MAP2: variants seen among roughly 807,000 people sequenced by gnomAD.
The protein encoded by MAP2 is microtubule associated protein 2.
In MAP2, 14 loss-of-function variants were observed where a neutral mutation model predicts 137.6. That is an observed-to-expected ratio of 0.10 (90% CI 0.07 to 0.16). MAP2 has a LOEUF of 0.16. Among genes scored for constraint, MAP2 ranks in the 10% least tolerant of loss-of-function variants. The pLI is 1.00. For missense variants in MAP2, 2,088 were observed against 2,191.5 expected (o/e 0.95, Z 0.94); for synonymous variants, 786 against 782.3 (o/e 1.00, Z -0.08).
At chr2:209,477,325 T>A (rs1707505158) in intron 1 of MAP2, among the ~76,000 whole-genome samples, 1 of 152,054 alleles carries the variant, frequency 6.6e-6, no homozygotes, top group Non-Finnish European at 1.5e-5. Context: ...AAAGAAAATG[T>A]TATATTGAAA....
At position 209,613,361 on chromosome 2, in the gene MAP2, T is replaced by C. The variant is rs367669853; in HGVS notation, c.-106-11692T>C. Among the ~76,000 whole-genome samples, 7 of 152,204 alleles carry C rather than the reference T, an allele frequency of 4.6e-5. No homozygotes were observed. The South Asian group carries it at 8.3e-4, about 18-fold the overall frequency. Reference sequence around the variant, plus strand: ...TTGGAATTAACATTAGGAAATAGAATGAATGTGAAATGGCAAAAATAAAAT... The same window carrying C: ...TTGGAATTAACATTAGGAAATAGAACGAATGTGAAATGGCAAAAATAAAAT... On this transcript the variant is annotated intron_variant, in intron 3 of 15. Coordinates refer to ENST00000682079, the MANE Select transcript of MAP2 (RefSeq NM_001375505.1).
chr2:209,462,765 A>G (rs1703139819), intron 1 of MAP2, among the ~76,000 whole-genome samples: 1 of 152,208 alleles, frequency 6.6e-6, no homozygotes, highest in African/African-American at 2.4e-5. Flanking sequence ...TTGGTTTAGT[A>G]TTTGGTTAGA....
rs1179166550 is a variant in MAP2, at chr2:209,540,663, GAAGAA to G, written c.-172+33035_-172+33039del. On this transcript the variant is annotated intron_variant, in intron 2 of 15. Transcript: ENST00000682079. Reference sequence around the variant, plus strand: ...AAAAAAAAAAAAAAAAAAAAAAAAAGAAGAAAAGAAAAGAAAATCACAGCACTTTA... The same window carrying G: ...AAAAAAAAAAAAAAAAAAAAAAAAAGAAGAAAAGAAAATCACAGCACTTTA... Among the ~76,000 whole-genome samples, 6 of 72,320 alleles carry G rather than the reference GAAGAA, an allele frequency of 8.3e-5. No homozygotes were observed. The South Asian group carries it at 1.6e-3, about 19-fold the overall frequency. The allele number at this position is 72,320 out of a possible 152,430, so 47.4% of individuals were successfully genotyped here.
intron 1 of MAP2, among the ~76,000 whole-genome samples, chr2:209,451,526 A>C (rs987051227): frequency 1.3e-5 from 2 of 152,098 alleles, no homozygotes; most frequent in Non-Finnish European, 2.9e-5. Context: ...CCTTGCTCCC[A>C]TGGCTCTGAG....
At chr2:209,710,287 G>T in intron 13 of MAP2, 33 bp downstream of exon 13, 1 of 1,496,730 alleles carries the variant, frequency 6.7e-7, no homozygotes. Context: ...TTTGCTGCCA[G>T]AAATAATTAT....
chr2:209,507,882 C>G (rs1286077267), intron 2 of MAP2, among the ~76,000 whole-genome samples: 1 of 151,754 alleles, frequency 6.6e-6, no homozygotes, highest in Admixed American at 6.6e-5. Context: ...TTACTACTAC[C>G]TGAGTTTCGA....
At chr2:209,465,773 T>A (rs1348935359) in intron 1 of MAP2, among the ~76,000 whole-genome samples, 1 of 152,182 alleles carries the variant, frequency 6.6e-6, no homozygotes, top group Non-Finnish European at 1.5e-5. Flanking sequence ...AAAACACATG[T>A]TGGTTCTTGA....
intron 10 of MAP2, among the ~76,000 whole-genome samples, chr2:209,699,951 A>G (rs1313973046): frequency 1.3e-5 from 2 of 152,136 alleles, no homozygotes; most frequent in Non-Finnish European, 2.9e-5. Flanking sequence ...TCACATTGCT[A>G]TTCTGTAACT....
chr2:209,537,319 A>G (rs2066130622), intron 2 of MAP2, among the ~76,000 whole-genome samples: 1 of 152,214 alleles, frequency 6.6e-6, no homozygotes, highest in Non-Finnish European at 1.5e-5. Flanking sequence ...ACTGAAAGAA[A>G]CACACAATAA....
chr2:209,702,429 G>C (rs1214189688), intron 11 of MAP2, among the ~76,000 whole-genome samples: 1 of 151,716 alleles, frequency 6.6e-6, no homozygotes, highest in East Asian at 1.9e-4. Flanking sequence ...CTAATGTTCA[G>C]TATATCCATC....
chr2:209,673,997 T>A (rs1312812797), intron 5 of MAP2, among the ~76,000 whole-genome samples: 1 of 151,804 alleles, frequency 6.6e-6, no homozygotes, highest in African/African-American at 2.4e-5. Context: ...ACTTGCTGGA[T>A]GGAATCTTGA....
At chr2:209,463,846 G>C (rs1703477441) in intron 1 of MAP2, among the ~76,000 whole-genome samples, 1 of 152,120 alleles carries the variant, frequency 6.6e-6, no homozygotes, top group African/African-American at 2.4e-5. Context: ...TTATTTGCCT[G>C]AGTCAAAGGA....
At chr2:209,427,290 T>C (rs1314296107) in intron 1 of MAP2, among the ~76,000 whole-genome samples, 1 of 152,244 alleles carries the variant, frequency 6.6e-6, no homozygotes, top group Non-Finnish European at 1.5e-5. Context: ...GTAGTCACTT[T>C]AGGTAAGTCA....
intron 2 of MAP2, among the ~76,000 whole-genome samples, chr2:209,555,077 C>T (rs182713420): frequency 7.9e-5 from 12 of 151,860 alleles, no homozygotes; most frequent in African/African-American, 2.2e-4. Context: ...GGGCTTCCAA[C>T]TTCATGTCTG....
At chr2:209,531,856 A>C (rs1197415454) in intron 2 of MAP2, among the ~76,000 whole-genome samples, 1 of 152,146 alleles carries the variant, frequency 6.6e-6, no homozygotes. Flanking sequence ...TAAGGGAAGG[A>C]TCTTATTGAG....
chr2:209,550,499 A>C (rs182106382), intron 2 of MAP2, among the ~76,000 whole-genome samples: 1 of 152,242 alleles, frequency 6.6e-6, no homozygotes, highest in East Asian at 1.9e-4. Context: ...TTGAACTCTA[A>C]TTCCTACACT....
In MAP2 at chr2:209,690,861, C is replaced by T. The variant is rs972449041; in HGVS notation, c.455-1764C>T. 5 of 1,263,700 alleles carry T rather than the reference C, an allele frequency of 4.0e-6. No homozygotes were observed. In the African/African-American group the frequency reaches 6.2e-5, roughly 16 times the overall value. 78.3% of individuals were successfully genotyped at this position (1,263,700 alleles called of 1,614,324 possible). ...TCTGCTGGGGAAGGTGTGTCTTTCT[C>T]AGGATTTGCATGTGTTTTGTTGCAA... On this transcript the variant is annotated intron_variant, in intron 7 of 15. Coordinates refer to ENST00000682079, the MANE Select transcript of MAP2 (RefSeq NM_001375505.1).
At chr2:209,448,320 C>T (rs147900275) in intron 1 of MAP2, among the ~76,000 whole-genome samples, 1 of 152,192 alleles carries the variant, frequency 6.6e-6, no homozygotes, top group African/African-American at 2.4e-5. Context: ...AGTAGTTTTT[C>T]CCCTCCTGTT....
At chr2:209,706,946 T>C (rs191935039) in intron 12 of MAP2, among the ~76,000 whole-genome samples, 16 of 152,202 alleles carry the variant, frequency 1.1e-4, no homozygotes, top group Admixed American at 9.2e-4. Flanking sequence ...TCACAAAAAC[T>C]CTTTTATCAT....
Sources: gnomAD v4.1 joint callset for allele counts (sites outside exome capture counted in the v4.1 genomes callset) on GRCh38, gnomAD v4.1.1 for gene constraint, MANE v1.5 for transcripts, NCBI Gene and HGNC (gene_info 2026-07-23, HGNC 2026-07-21) for gene names.